DOCK2: variants seen among roughly 807,000 people sequenced by gnomAD.
DOCK2 encodes the protein dedicator of cytokinesis protein 2.
Under a neutral mutation model 248.9 loss-of-function variants are expected in DOCK2, and 87 were observed. That is an observed-to-expected ratio of 0.35 (90% CI 0.29 to 0.42). DOCK2 has a LOEUF of 0.42. Ranked by LOEUF, DOCK2 falls within the 10% of genes least tolerant of loss-of-function variation. DOCK2 has a pLI of 1.00. For missense variants in DOCK2, 1,747 were observed against 2,300.2 expected (o/e 0.76, Z 4.92); for synonymous variants, 805 against 821.6 (o/e 0.98, Z 0.35).
intron 25 of DOCK2, among the ~76,000 whole-genome samples, chr5:169,765,070 GCACACACACACACACA>G (rs142755026): frequency 6.8e-6 from 1 of 146,500 alleles, no homozygotes; most frequent in Non-Finnish European, 1.5e-5. Flanking sequence ...CTCTTTTAGC[GCACACACACACACACA>G]CACACACACA....
rs115676373 is a variant in DOCK2, at chr5:169,970,151, A to G, written c.2800-12917A>G. ...TTATGCAGAGTGACTTCAGTGATCAATCGTTTGGTTTTTAATTTGATGTTC... is the reference window on the plus strand; with the variant it reads ...TTATGCAGAGTGACTTCAGTGATCAGTCGTTTGGTTTTTAATTTGATGTTC... On this transcript the variant is annotated intron_variant, in intron 27 of 51. Coordinates refer to ENST00000520908, the MANE Select transcript of DOCK2 (RefSeq NM_004946.3). Among the ~76,000 whole-genome samples the G allele has an allele frequency of 3.8e-3, 586 of 152,302 alleles. 5 individuals are homozygous for G. Among genetic ancestry groups the G allele is most frequent in the African/African-American group, 0.014 (566 of 41,570 alleles).
intron 27 of DOCK2, among the ~76,000 whole-genome samples, chr5:169,860,968 G>C (rs150861616): frequency 4.2e-4 from 64 of 152,126 alleles, no homozygotes; most frequent in African/African-American, 1.4e-3. Context: ...TGCCTTTTAA[G>C]GAAAAAAATT....
chr5:169,638,846 C>T (rs1756995505), intron 1 of DOCK2, among the ~76,000 whole-genome samples: 1 of 152,204 alleles, frequency 6.6e-6, no homozygotes, highest in Non-Finnish European at 1.5e-5. Flanking sequence ...CACTTGGAAG[C>T]AATGGAGCGG....
At chr5:170,039,017 C>G (rs149426869) in intron 36 of DOCK2, among the ~76,000 whole-genome samples, 1 of 152,174 alleles carries the variant, frequency 6.6e-6, no homozygotes, top group Non-Finnish European at 1.5e-5. Context: ...ATTGGCAGAA[C>G]GTTAGGCGGG....
intron 9 of DOCK2, among the ~76,000 whole-genome samples, chr5:169,689,691 T>C (rs1409566583): frequency 1.3e-5 from 2 of 152,226 alleles, no homozygotes; most frequent in East Asian, 1.9e-4. Context: ...TTAACCTGAG[T>C]TCCTTTCTTT....
chr5:170,056,884 C>A, intron 43 of DOCK2, 116 bp downstream of exon 43: 4 of 883,944 alleles, frequency 4.5e-6, no homozygotes, highest in Non-Finnish European at 7.1e-6. Context: ...AAAATAAAGC[C>A]AACCTCCATG....
At chr5:169,645,085 A>G (rs1269169108) in intron 1 of DOCK2, among the ~76,000 whole-genome samples, 2 of 152,172 alleles carry the variant, frequency 1.3e-5, no homozygotes, top group Non-Finnish European at 2.9e-5. Flanking sequence ...GTTGTTGTAA[A>G]TAGTGCTGCG....
chr5:169,685,409 C>T (rs186658710), intron 8 of DOCK2, among the ~76,000 whole-genome samples: 1 of 152,162 alleles, frequency 6.6e-6, no homozygotes, highest in East Asian at 1.9e-4. Flanking sequence ...CTTAGACCAT[C>T]CTTCCTCTCA....
chr5:170,002,015 G>T (rs1754850825), intron 30 of DOCK2, among the ~76,000 whole-genome samples: 1 of 152,102 alleles, frequency 6.6e-6, no homozygotes, highest in Non-Finnish European at 1.5e-5. Flanking sequence ...GAAAGGTAGG[G>T]TACCTTGTCC....
At chr5:169,783,233 T>C (rs1765806397) in intron 25 of DOCK2, among the ~76,000 whole-genome samples, 1 of 152,240 alleles carries the variant, frequency 6.6e-6, no homozygotes, top group South Asian at 2.1e-4. Flanking sequence ...TCAACTTTTA[T>C]TATATTAGAT....
Position 169,684,343 on chromosome 5 carries a change from G to A in DOCK2, c.754G>A (p.Val252Ile), listed in dbSNP as rs140430355. 2 of 1,614,014 alleles carry A rather than the reference G, an allele frequency of 1.2e-6. No individual in the cohort carries two copies. The highest frequency in any genetic ancestry group is 1.3e-5 in the African/African-American group (1 of 74,924). The change falls in exon 8 of 52, where the codon GTC becomes ATC. Residue 252 changes from valine (V) to isoleucine (I), a missense_variant. By Grantham distance (29) the Val-to-Ile change is conservative. Coordinates refer to ENST00000520908, the MANE Select transcript of DOCK2 (RefSeq NM_004946.3). ...MSLYDPNKQT[V>I]ISENYLVRWG... is the part of the protein sequence containing the mutation. The stretch of plus-strand genomic sequence containing the variant: ...TCTCTACGACCCCAACAAGCAAACG[G>A]TCATAAGGTAGGTGTGTCCAGGGTT...
At chr5:169,954,490 G>A (rs558407422) in intron 27 of DOCK2, among the ~76,000 whole-genome samples, 1 of 152,306 alleles carries the variant, frequency 6.6e-6, no homozygotes, top group South Asian at 2.1e-4. Flanking sequence ...GTCAGGCAGG[G>A]ACCAGAAAGA....
At chr5:169,694,407 G>T (rs1341774287) in intron 9 of DOCK2, among the ~76,000 whole-genome samples, 1 of 152,218 alleles carries the variant, frequency 6.6e-6, no homozygotes, top group African/African-American at 2.4e-5. Context: ...GAAGTCAGGA[G>T]TTTCCTCCTG....
intron 30 of DOCK2, among the ~76,000 whole-genome samples, chr5:170,004,252 G>T (rs959725792): frequency 6.6e-6 from 1 of 152,160 alleles, no homozygotes; most frequent in Non-Finnish European, 1.5e-5. Context: ...AAAAAATGAA[G>T]TACTTCCACA....
At chr5:169,675,134 G>T (rs1034028601) in intron 6 of DOCK2, among the ~76,000 whole-genome samples, 1 of 152,200 alleles carries the variant, frequency 6.6e-6, no homozygotes, top group Non-Finnish European at 1.5e-5. Flanking sequence ...GAAACCGAGG[G>T]TTTTCAGTAG....
rs188669441 is a variant in DOCK2 at position 169,958,418 on chromosome 5, G to C, written c.2800-24650G>C. ...AGAAAATCTGCAAACTCCATCATCCGAATAACAGGGCTGATGGTTTAGAAT... is the reference window on the plus strand; with the variant it reads ...AGAAAATCTGCAAACTCCATCATCCCAATAACAGGGCTGATGGTTTAGAAT... On this transcript the variant is annotated intron_variant, in intron 27 of 51. Coordinates refer to ENST00000520908, the MANE Select transcript of DOCK2 (RefSeq NM_004946.3). 1.6e-4 allele frequency among the ~76,000 whole-genome samples: 24 copies of C among 152,206 alleles called. No individual in the cohort carries two copies. The South Asian group carries it at 5.0e-3, about 32-fold the overall frequency.
chr5:169,961,927 C>T (rs894040693), intron 27 of DOCK2, among the ~76,000 whole-genome samples: 158 of 137,406 alleles, frequency 1.1e-3, no homozygotes, highest in African/African-American at 4.2e-3. Context: ...TGCAGTGAGC[C>T]GAGATCGTGC....
intron 23 of DOCK2, among the ~76,000 whole-genome samples, chr5:169,752,505 G>A (rs966890211): frequency 6.6e-6 from 1 of 152,000 alleles, no homozygotes; most frequent in African/African-American, 2.4e-5. Context: ...TTAGGAGGCT[G>A]AGGTGAGAGG....
intron 27 of DOCK2, among the ~76,000 whole-genome samples, chr5:169,955,693 C>T (rs1776838115): frequency 1.3e-5 from 2 of 152,192 alleles, no homozygotes; most frequent in Non-Finnish European, 2.9e-5. Flanking sequence ...CACTATATAG[C>T]TGTGGAATTA....
Sources: allele counts gnomAD v4.1 joint callset (sites outside exome capture counted in the v4.1 genomes callset), GRCh38; gene constraint gnomAD v4.1.1; transcripts MANE v1.5; gene names NCBI Gene and HGNC (gene_info 2026-07-23, HGNC 2026-07-21).